TANC2: variants seen among roughly 807,000 people sequenced by gnomAD.
The protein encoded by TANC2 is protein TANC2.
In TANC2, 26 loss-of-function variants were observed where a neutral mutation model predicts 210.5. That is an observed-to-expected ratio of 0.12 (90% confidence interval 0.09 to 0.17). TANC2 has a LOEUF of 0.17. Among genes scored for constraint, TANC2 ranks in the 10% least tolerant of loss-of-function variants. The pLI, the probability that TANC2 is intolerant of heterozygous loss-of-function variation, is 1.00. For missense variants in TANC2, 2,129 were observed against 2,608.9 expected, an observed-to-expected ratio of 0.82 and a Z score of 4.01; for synonymous variants, 931 against 967.1, an observed-to-expected ratio of 0.96 and a Z score of 0.69.
At chr17:63,360,759 G>T (rs2046933095) in intron 14 of TANC2, among the ~76,000 whole-genome samples, 1 of 152,038 alleles carries the variant, frequency 6.6e-6, no homozygotes, top group Non-Finnish European at 1.5e-5. Context: ...GTACCCATTA[G>T]CCATGCCCCC....
Position 63,358,389 on chromosome 17 carries a change from G to A in TANC2, c.2582+2999G>A, listed in dbSNP as rs1370746512. 5.6e-3 allele frequency among the ~76,000 whole-genome samples: 842 copies of A among 150,956 alleles called. 7 individuals are homozygous for A. Among genetic ancestry groups the A allele is most frequent in the African/African-American group, 0.018 (754 of 40,774 alleles). ...AGAGAGAGAGAGAGTATGTGTGTGT[G>A]TGTGTGTGTGTGTGTGTGTGTGTAT... On this transcript the variant is annotated intron_variant, in intron 14 of 27. Coordinates refer to ENST00000689528, the Ensembl canonical transcript of TANC2.
intron 12 of TANC2, among the ~76,000 whole-genome samples, chr17:63,340,764 T>A (rs1165103419): frequency 6.6e-6 from 1 of 152,226 alleles, no homozygotes; most frequent in Non-Finnish European, 1.5e-5. Flanking sequence ...CCTCCATGGT[T>A]ACACAATGCT....
At chr17:63,166,859 A>G (rs2040227455) in intron 5 of TANC2, among the ~76,000 whole-genome samples, 1 of 152,148 alleles carries the variant, frequency 6.6e-6, no homozygotes, top group East Asian at 1.9e-4. Context: ...CATAGGGTTT[A>G]TGTGTTCCTG....
chr17:63,279,784 C>A (rs774655185), intron 9 of TANC2, among the ~76,000 whole-genome samples: 1 of 152,044 alleles, frequency 6.6e-6, no homozygotes, highest in South Asian at 2.1e-4. Context: ...AGGAGTCCCC[C>A]CCACCCATTT....
At position 63,086,942 on chromosome 17, in the gene TANC2, C is replaced by T. The variant is rs1450986711; in HGVS notation, c.140-12233C>T. 2.0e-5 allele frequency among the ~76,000 whole-genome samples: 3 copies of T among 152,166 alleles called. No homozygotes were observed. The East Asian group carries it at 5.8e-4, about 29-fold the overall frequency. On this transcript the variant is annotated intron_variant, in intron 3 of 27. Transcript: ENST00000689528. ...AATGGACCAATCAGCAGGACATGGG[C>T]GGGGACAAATAAGGAAATAAAAGCT...
chr17:63,317,409 C>T (rs1325416246), intron 10 of TANC2, among the ~76,000 whole-genome samples: 2 of 151,390 alleles, frequency 1.3e-5, no homozygotes, highest in African/African-American at 4.9e-5. Context: ...CCAAACCTGA[C>T]ACCCCCATCA....
At chr17:63,258,890 C>G (rs1461312795) in intron 8 of TANC2, among the ~76,000 whole-genome samples, 1 of 152,152 alleles carries the variant, frequency 6.6e-6, no homozygotes, top group Non-Finnish European at 1.5e-5. Flanking sequence ...CCTCTCTTTT[C>G]CTCAAGCAGG....
At chr17:63,318,001 G>A (rs540051088) in intron 10 of TANC2, among the ~76,000 whole-genome samples, 4 of 152,298 alleles carry the variant, frequency 2.6e-5, no homozygotes, top group Middle Eastern at 3.4e-3. Flanking sequence ...CACAGTCCTT[G>A]AGGCTTCTTT....
chr17:63,131,556 C>T (rs955616673), intron 4 of TANC2, among the ~76,000 whole-genome samples: 1 of 150,976 alleles, frequency 6.6e-6, no homozygotes, highest in African/African-American at 2.4e-5. Context: ...CTACATTACA[C>T]CAGTTGCTTA....
intron 4 of TANC2, among the ~76,000 whole-genome samples, chr17:63,126,567 C>G (rs1028872908): frequency 1.3e-5 from 2 of 152,108 alleles, no homozygotes; most frequent in Non-Finnish European, 2.9e-5. Flanking sequence ...TGCCACCACA[C>G]TGGCTGATTT....
intron 5 of TANC2, among the ~76,000 whole-genome samples, chr17:63,160,152 A>C (rs1350285403): frequency 1.3e-5 from 2 of 152,226 alleles, no homozygotes; most frequent in Non-Finnish European, 2.9e-5. Context: ...AACATTAATT[A>C]CTTTCTCCAA....
intron 3 of TANC2, among the ~76,000 whole-genome samples, chr17:63,079,300 A>G (rs755927592): frequency 2.6e-5 from 4 of 152,060 alleles, no homozygotes; most frequent in African/African-American, 4.8e-5. Flanking sequence ...CAGGATTTGG[A>G]TTCAGGCTTG....
intron 1 of TANC2, among the ~76,000 whole-genome samples, chr17:63,005,744 G>T (rs141130572): frequency 6.6e-6 from 1 of 152,096 alleles, no homozygotes; most frequent in East Asian, 1.9e-4. Context: ...TATCTGTAAG[G>T]TTTTGGGATT....
chr17:63,409,017 T>A (rs1762511480), intron 21 of TANC2, among the ~76,000 whole-genome samples: 1 of 152,202 alleles, frequency 6.6e-6, no homozygotes, highest in African/African-American at 2.4e-5. Flanking sequence ...CAGGTATGCT[T>A]GATCCTTTCA....
chr17:63,255,006 A>C (rs1250625632), intron 8 of TANC2, among the ~76,000 whole-genome samples: 1 of 150,534 alleles, frequency 6.6e-6, no homozygotes, highest in African/African-American at 2.4e-5. Flanking sequence ...GTTTGGAAAT[A>C]CTCTCCTCCT....
chr17:63,313,904 T>C lies in TANC2; in HGVS notation c.1160-484T>C, dbSNP rs193076290. ...TTGGTTGTGAAATATTGAAATATGT[T>C]ACTGGTTAGTAAAGAGCTGCTACGG... On this transcript the variant is annotated intron_variant, in intron 9 of 27. Transcript: ENST00000689528. 1.9e-3 allele frequency among the ~76,000 whole-genome samples: 287 copies of C among 152,378 alleles called. 1 individual carries two copies. Among genetic ancestry groups the C allele is most frequent in the African/African-American group, 6.6e-3 (276 of 41,586 alleles).
intron 8 of TANC2, among the ~76,000 whole-genome samples, chr17:63,261,876 A>T (rs2043367503): frequency 1.3e-5 from 2 of 152,244 alleles, no homozygotes; most frequent in Admixed American, 1.3e-4. Context: ...AATTGAAGAC[A>T]TATTTACCTC....
intron 8 of TANC2, among the ~76,000 whole-genome samples, chr17:63,240,416 T>G (rs1326440774): frequency 6.6e-6 from 1 of 152,172 alleles, no homozygotes; most frequent in East Asian, 1.9e-4. Flanking sequence ...TCCTACTTAC[T>G]CCCCATTATA....
At chr17:63,377,656 C>T (rs2047467360) in intron 14 of TANC2, among the ~76,000 whole-genome samples, 1 of 152,208 alleles carries the variant, frequency 6.6e-6, no homozygotes, top group Non-Finnish European at 1.5e-5. Context: ...CTTCTGAGCC[C>T]TCCAAACTGT....
Sources: allele counts gnomAD v4.1 joint callset (sites outside exome capture counted in the v4.1 genomes callset), GRCh38; gene constraint gnomAD v4.1.1; transcripts MANE v1.5; gene names NCBI Gene and HGNC (gene_info 2026-07-23, HGNC 2026-07-21).